The following PSMB7 variants were observed in gnomAD, a reference collection of about 807,000 sequenced individuals.
The protein encoded by PSMB7 is proteasome 20S subunit beta 7.
Under a neutral mutation model 28.1 loss-of-function variants are expected in PSMB7, and 5 were observed. That is an observed-to-expected ratio of 0.18 (90% CI 0.09 to 0.37). PSMB7 has a LOEUF of 0.37. PSMB7 is among the 10% of genes least tolerant of loss of function. PSMB7 has a pLI of 1.00. For synonymous variants in PSMB7, 122 were observed against 123.7 expected (o/e 0.99, Z 0.09); for missense variants, 275 against 346.2 (o/e 0.79, Z 1.63).
chr9:124,400,607 C>CCA (rs1830892904), intron 5 of PSMB7, among the ~76,000 whole-genome samples: 1 of 152,164 alleles, frequency 6.6e-6, no homozygotes, highest in Non-Finnish European at 1.5e-5. Context: ...CCAGCTGTGC[C>CCA]CGCAGCATAG....
chr9:124,395,788 C>G (rs1315783323), intron 5 of PSMB7, among the ~76,000 whole-genome samples: 1 of 152,172 alleles, frequency 6.6e-6, no homozygotes, highest in Non-Finnish European at 1.5e-5. Context: ...GAGCTGGGAC[C>G]AAAGCAAGGG....
intron 5 of PSMB7, among the ~76,000 whole-genome samples, chr9:124,386,092 G>A (rs942162004): frequency 2.6e-5 from 4 of 151,318 alleles, no homozygotes. Flanking sequence ...ATTCATTTAG[G>A]CTTTGGGAGC....
chr9:124,356,129 C>A lies in PSMB7; in HGVS notation c.722+635G>T, dbSNP rs549098456. On this transcript the variant is annotated intron_variant, in intron 7 of 7. Transcript: ENST00000259457. This position sits in a 1 kb window ranked among gnomAD's most constrained non-coding sequence, Gnocchi z 4.4. ...GGATGGTCAAGCAGCCGGACAATCA[C>A]GAGACACTGCAAACGAGCTGCTCCT... Among the ~76,000 whole-genome samples the A allele has an allele frequency of 6.6e-6, 1 of 152,166 alleles. No individual in the cohort carries two copies. Among genetic ancestry groups the A allele is most frequent in the East Asian group, 1.9e-4 (1 of 5,180 alleles).
In PSMB7 at chr9:124,353,680, G is replaced by A. The variant is rs1803375; in HGVS notation, c.752C>T (p.Thr251Ile). 1.2e-6 allele frequency: 2 copies of A among 1,613,932 alleles called. No individual in the cohort carries two copies. The highest frequency in any genetic ancestry group is 1.7e-6 in the Non-Finnish European group (2 of 1,179,832). Reference sequence around the variant, plus strand: ...GATTTTCTCAGTGAGGACTGCAGTAGTCCCTTTCTCACACCTGTACCGGCC... The same window carrying A: ...GATTTTCTCAGTGAGGACTGCAGTAATCCCTTTCTCACACCTGTACCGGCC... ...RLGRYRCEKG[T>I]TAVLTEKITP... The change falls in exon 8 of 8, where the codon ACT becomes ATT. Residue 251 changes from threonine (T) to isoleucine (I), a missense_variant. By Grantham distance (89) the Thr-to-Ile change is moderately conservative. This residue lies in a region of PSMB7 where 213 missense variants were observed against 302.4 expected (regional missense o/e 0.70). Transcript: ENST00000259457.
At chr9:124,367,741 C>T (rs1830521313) in intron 6 of PSMB7, among the ~76,000 whole-genome samples, 1 of 152,134 alleles carries the variant, frequency 6.6e-6, no homozygotes, top group African/African-American at 2.4e-5. Flanking sequence ...CCCCCAAGCA[C>T]CAGGATGGTC....
At chr9:124,364,908 C>A (rs1486983575) in intron 6 of PSMB7, among the ~76,000 whole-genome samples, 1 of 152,168 alleles carries the variant, frequency 6.6e-6, no homozygotes, top group Non-Finnish European at 1.5e-5. Flanking sequence ...TAGGACAAAA[C>A]CACTGCTAGA....
intron 5 of PSMB7, among the ~76,000 whole-genome samples, chr9:124,402,945 G>A (rs1307679282): frequency 1.3e-5 from 2 of 152,134 alleles, no homozygotes. Flanking sequence ...GTGAACATCT[G>A]TTATATAAAA....
chr9:124,382,145 G>A (rs895237996), intron 6 of PSMB7, among the ~76,000 whole-genome samples: 3 of 142,392 alleles, frequency 2.1e-5, no homozygotes, highest in Non-Finnish European at 4.6e-5. Flanking sequence ...CCGAGATCAT[G>A]CCACCGCACT....
intron 1 of PSMB7, 182 bp downstream of exon 1, chr9:124,415,182 C>T (rs1831074104): frequency 1.5e-6 from 1 of 683,380 alleles, no homozygotes; most frequent in Non-Finnish European, 2.4e-6. Context: ...GGTGGGAGAG[C>T]AGACCCGGCT....
chr9:124,360,135 T>C (rs1027438844), intron 6 of PSMB7, among the ~76,000 whole-genome samples: 4 of 152,264 alleles, frequency 2.6e-5, no homozygotes, highest in Non-Finnish European at 5.9e-5. Context: ...GGCATATTCA[T>C]ACTGTGTTTT....
chr9:124,363,882 A>G (rs1237611676), intron 6 of PSMB7, among the ~76,000 whole-genome samples: 1 of 152,082 alleles, frequency 6.6e-6, no homozygotes, highest in Non-Finnish European at 1.5e-5. Flanking sequence ...CCAGGAAGAG[A>G]TGTCAGCGGC....
chr9:124,366,113 AAT>A (rs1326846811), intron 6 of PSMB7, among the ~76,000 whole-genome samples: 1 of 152,154 alleles, frequency 6.6e-6, no homozygotes, highest in Non-Finnish European at 1.5e-5. Context: ...AAATTTTTTT[AAT>A]AGAGAAAAGC....
At chr9:124,408,646 C>G (rs1830992942) in intron 4 of PSMB7, among the ~76,000 whole-genome samples, 1 of 152,112 alleles carries the variant, frequency 6.6e-6, no homozygotes, top group Non-Finnish European at 1.5e-5. Flanking sequence ...CAGAACTTCT[C>G]TATGGGCTCA....
chr9:124,385,829 C>T (rs989089462), intron 5 of PSMB7, among the ~76,000 whole-genome samples: 4 of 152,090 alleles, frequency 2.6e-5, no homozygotes, highest in Non-Finnish European at 4.4e-5. Flanking sequence ...CTGACAGCAA[C>T]GCCGCATTGA....
chr9:124,402,884 A>AT (rs1364177237), intron 5 of PSMB7, among the ~76,000 whole-genome samples: 1 of 152,234 alleles, frequency 6.6e-6, no homozygotes, highest in African/African-American at 2.4e-5. Flanking sequence ...GAATAACTGC[A>AT]AAGATTCATC....
chr9:124,391,096 CACA>C (rs990005854), intron 5 of PSMB7, among the ~76,000 whole-genome samples: 3 of 152,230 alleles, frequency 2.0e-5, no homozygotes, highest in African/African-American at 7.2e-5. Flanking sequence ...TCTTGGCAAA[CACA>C]GCACTGAACA....
intron 6 of PSMB7, among the ~76,000 whole-genome samples, chr9:124,367,623 AAAGAT>A (rs1055210028): frequency 5.9e-5 from 9 of 152,292 alleles, no homozygotes; most frequent in African/African-American, 1.9e-4. Flanking sequence ...TTGACAGAAT[AAAGAT>A]ATGAATCTAG....
At chr9:124,408,995 T>A (rs1229832026) in intron 4 of PSMB7, among the ~76,000 whole-genome samples, 1 of 152,236 alleles carries the variant, frequency 6.6e-6, no homozygotes, top group Non-Finnish European at 1.5e-5. Flanking sequence ...ACAACTATAA[T>A]CCCATTTTCT....
chr9:124,384,738 C>A (rs1830702786), intron 5 of PSMB7, 82 bp from the exon 6 acceptor site: 1 of 1,258,654 alleles, frequency 7.9e-7, no homozygotes. Flanking sequence ...GCAAGAAAAA[C>A]AGCAAAACAT....
Sources: allele counts gnomAD v4.1 joint callset (sites outside exome capture counted in the v4.1 genomes callset), GRCh38; gene constraint gnomAD v4.1.1; regional missense constraint gnomAD v4.1.1; non-coding constraint Gnocchi (gnomAD v3.1); transcripts MANE v1.5; gene names NCBI Gene and HGNC (gene_info 2026-07-23, HGNC 2026-07-21).